CYYR1: variants seen among roughly 807,000 people sequenced by gnomAD.
CYYR1 encodes cysteine and tyrosine rich 1, also known as cysteine and tyrosine-rich protein 1.
A neutral mutation model predicts 15.2 loss-of-function variants in CYYR1; 14 were observed. That is an observed-to-expected ratio of 0.92 (90% CI 0.61 to 1.44). The LOEUF is 1.44. Among genes scored for constraint, CYYR1 ranks in the 40% most tolerant of loss-of-function variants. CYYR1 has a pLI of 0.00. For missense variants in CYYR1, 228 were observed against 209.5 expected (o/e 1.09, Z -0.54); for synonymous variants, 80 against 77.4 (o/e 1.03, Z -0.18).
At chr21:26,520,237 AC>A (rs1458771375) in intron 2 of CYYR1, among the ~76,000 whole-genome samples, 1 of 123,348 alleles carries the variant, frequency 8.1e-6, no homozygotes, top group African/African-American at 3.3e-5. Context: ...CTCAACCCCT[AC>A]CCCCCAACAG....
At chr21:26,485,308 A>G (rs553641571) in intron 2 of CYYR1, among the ~76,000 whole-genome samples, 125 of 152,114 alleles carry the variant, frequency 8.2e-4, no homozygotes, top group Non-Finnish European at 1.6e-3. Flanking sequence ...ACAATGGCAC[A>G]ACATGAAAAG....
chr21:26,541,672 C>T (rs1430886112), intron 2 of CYYR1, among the ~76,000 whole-genome samples: 1 of 152,082 alleles, frequency 6.6e-6, no homozygotes, highest in East Asian at 1.9e-4. Flanking sequence ...ATTTTAATTT[C>T]CCTAAAATAC....
rs114948184 is a variant in CYYR1 at position 26,558,767 on chromosome 21, C to G, written c.176+7499G>C. Among the ~76,000 whole-genome samples, 988 of 152,284 alleles carry G rather than the reference C, an allele frequency of 6.5e-3. 10 individuals carry two copies. Among genetic ancestry groups the G allele is most frequent in the African/African-American group, 0.023 (936 of 41,556 alleles). ...ACATTGCTCTTCAGTTAGCTCTTCA[C>G]ACAGCATTATTCGTTTTGAGATTTA... On this transcript the variant is annotated intron_variant, in intron 2 of 3. Transcript: ENST00000652641.
chr21:26,550,742 G>A (rs1601821608), intron 2 of CYYR1: 2 of 152,156 alleles, frequency 1.3e-5, no homozygotes, highest in East Asian at 3.9e-4. Context: ...TAGAAGAGTC[G>A]GTTCAGGAGG....
chr21:26,570,626 T>G (rs767067625), intron 1 of CYYR1, among the ~76,000 whole-genome samples: 1 of 152,216 alleles, frequency 6.6e-6, no homozygotes, highest in Admixed American at 6.5e-5. Context: ...CCAAATGAAA[T>G]GTGAATCTAA....
chr21:26,507,732 A>G (rs1840832176), intron 2 of CYYR1, among the ~76,000 whole-genome samples: 1 of 152,246 alleles, frequency 6.6e-6, no homozygotes, highest in African/African-American at 2.4e-5. Flanking sequence ...GTTACCCAAC[A>G]AACTGCTGAA....
intron 2 of CYYR1, among the ~76,000 whole-genome samples, chr21:26,487,782 G>A (rs941188438): frequency 7.9e-5 from 12 of 151,314 alleles, no homozygotes; most frequent in Non-Finnish European, 1.8e-4. Flanking sequence ...CTATGTATAC[G>A]TGTATCAGAT....
chr21:26,475,702 T>C (rs1398739346), intron 3 of CYYR1, among the ~76,000 whole-genome samples: 1 of 152,194 alleles, frequency 6.6e-6, no homozygotes, highest in African/African-American at 2.4e-5. Context: ...TACTTCATCA[T>C]ACCCATAAAT....
rs532591284 is a variant in CYYR1, at chr21:26,573,186, C to G, written c.-246G>C. ...CGGGCTGCGCTGGGGGCCCAGGTCT[C>G]TTTGTCTCGCCCCACTGCGCTCAGG... On this transcript the variant is annotated 5_prime_UTR_variant, in exon 1 of 4. Transcript: ENST00000652641. The G allele has an allele frequency of 4.0e-5, 59 of 1,466,236 alleles. No homozygotes were observed. The highest frequency in any genetic ancestry group is 5.3e-5 in the Non-Finnish European group (59 of 1,106,478). 90.8% of individuals were successfully genotyped at this position (1,466,236 alleles called of 1,614,324 possible).
chr21:26,472,735 A>G (rs887008577), intron 3 of CYYR1, among the ~76,000 whole-genome samples: 1 of 152,150 alleles, frequency 6.6e-6, no homozygotes, highest in South Asian at 2.1e-4. Flanking sequence ...ATGGTTTATT[A>G]TATAATTTTT....
intron 2 of CYYR1, among the ~76,000 whole-genome samples, chr21:26,486,736 A>G (rs1456760251): frequency 6.6e-6 from 1 of 152,094 alleles, no homozygotes. Flanking sequence ...AATATATTTT[A>G]TTCCATAAAT....
intron 1 of CYYR1, among the ~76,000 whole-genome samples, chr21:26,571,365 G>A (rs969730458): frequency 6.6e-6 from 1 of 152,228 alleles, no homozygotes; most frequent in Non-Finnish European, 1.5e-5. Context: ...AGAAATGAAT[G>A]GACTGAAAAC....
intron 2 of CYYR1, among the ~76,000 whole-genome samples, chr21:26,508,283 G>A (rs2065596629): frequency 6.6e-6 from 1 of 152,114 alleles, no homozygotes; most frequent in African/African-American, 2.4e-5. Context: ...ATCATGAGGG[G>A]TCTTTAGGCC....
chr21:26,507,417 T>A (rs2065583534), intron 2 of CYYR1, among the ~76,000 whole-genome samples: 1 of 152,348 alleles, frequency 6.6e-6, no homozygotes. Flanking sequence ...ACATTTCTCA[T>A]TATTCTATTA....
chr21:26,488,069 C>G (rs990981098), intron 2 of CYYR1, among the ~76,000 whole-genome samples: 1 of 151,496 alleles, frequency 6.6e-6, no homozygotes, highest in African/African-American at 2.4e-5. Flanking sequence ...TTCTGTTAGC[C>G]TCATGATAAT....
chr21:26,484,752 A>G (rs1260665178), intron 2 of CYYR1, among the ~76,000 whole-genome samples: 3 of 152,114 alleles, frequency 2.0e-5, no homozygotes, highest in Non-Finnish European at 4.4e-5. Context: ...GGACATATTT[A>G]TATTCATTAA....
At chr21:26,510,868 T>C (rs1029170179) in intron 2 of CYYR1, among the ~76,000 whole-genome samples, 1 of 152,216 alleles carries the variant, frequency 6.6e-6, no homozygotes, top group Non-Finnish European at 1.5e-5. Context: ...AGAAGTATTA[T>C]AAATAACAAA....
chr21:26,564,848 GAA>G, intron 2 of CYYR1: 2 of 1,145,594 alleles, frequency 1.7e-6, no homozygotes, highest in South Asian at 1.9e-5. Context: ...GACAGTTTGA[GAA>G]AAAAAAAATT....
intron 2 of CYYR1, among the ~76,000 whole-genome samples, chr21:26,492,284 C>T (rs1013814205): frequency 3.7e-4 from 57 of 152,156 alleles, no homozygotes; most frequent in Non-Finnish European, 8.8e-5. Flanking sequence ...ACGTGATTGG[C>T]GTTGGGAACC....
Sources: gnomAD v4.1 joint callset for allele counts (sites outside exome capture counted in the v4.1 genomes callset) on GRCh38, gnomAD v4.1.1 for gene constraint, MANE v1.5 for transcripts, NCBI Gene and HGNC (gene_info 2026-07-23, HGNC 2026-07-21) for gene names.